Variants in H3C11 observed in about 807,000 individuals in gnomAD.
H3C11 encodes H3 clustered histone 11, also known as histone H3.1.
Under a neutral mutation model 9.1 loss-of-function variants are expected in H3C11, and 10 were observed. The ratio of observed to expected loss-of-function variants is 1.10; its 90% CI spans 0.68 to 1.86. The LOEUF (loss-of-function observed/expected upper bound fraction) is 1.86, where lower values mean the gene tolerates loss of function less well. Ranked by LOEUF, H3C11 falls within the 40% of genes most tolerant of loss-of-function variation. The pLI, the probability that H3C11 is intolerant of heterozygous loss-of-function variation, is 0.00. For missense variants in H3C11, 197 were observed against 192.5 expected (o/e 1.02, Z -0.14); for synonymous variants, 132 against 82.4 (o/e 1.60, Z -3.26).
Position 27,872,094 on chromosome 6 carries a change from C to G in H3C11, c.222G>C (p.Glu74Asp). 2 of 1,614,228 alleles carry G rather than the reference C, an allele frequency of 1.2e-6. No individual in the cohort carries two copies. Among genetic ancestry groups the G allele is most frequent in the Non-Finnish European group, 1.7e-6 (2 of 1,180,036 alleles). Residue 74 changes from glutamate to aspartate, a missense_variant, in exon 1 of 1, where the codon GAG becomes GAC. Coordinates refer to ENST00000616365, the MANE Select transcript of H3C11 (RefSeq NM_003533.3). Reference protein sequence around the residue: ...RKLPFQRLVREIAQDFKTDLR... With the variant: ...RKLPFQRLVRDIAQDFKTDLR... The stretch of plus-strand genomic sequence containing the variant: ...GATCGGTCTTAAAGTCCTGTGCGAT[C>G]TCCCGTACCAAGCGCTGAAAAGGTA...
rs1247048773 is a variant in H3C11 at position 27,872,220 on chromosome 6, G to A, written c.96C>T (p.Ala32=). Reference sequence around the variant, plus strand: ...GGTGGGGCTTCTTGACGCCACCGGTGGCCGGAGCGCTCTTGCGAGCCGCCT... The same window carrying A: ...GGTGGGGCTTCTTGACGCCACCGGTAGCCGGAGCGCTCTTGCGAGCCGCCT... ...ATKAARKSAP[A]TGGVKKPHRY... Residue 32 remains alanine, a synonymous_variant, in exon 1 of 1, where the codon GCC becomes GCT. Coordinates refer to ENST00000616365, the MANE Select transcript of H3C11 (RefSeq NM_003533.3). 5 of 1,612,976 alleles carry A rather than the reference G, an allele frequency of 3.1e-6. No homozygotes were observed. The highest frequency in any genetic ancestry group is 1.6e-4 in the Middle Eastern group (1 of 6,074).
At position 27,871,982 on chromosome 6, in the gene H3C11, C is replaced by A; in HGVS notation, c.334G>T (p.Ala112Ser). Residue 112 changes from alanine to serine, a missense_variant, in exon 1 of 1, where the codon GCC (alanine) becomes TCC (serine). By Grantham distance (99) the Ala-to-Ser change is moderately conservative. Coordinates refer to ENST00000616365, the MANE Select transcript of H3C11 (RefSeq NM_003533.3). ...ATAGTGACGCGTTTGGCGTGAATGG[C>A]GCACAGGTTGGTATCCTCAAATAGC... ...VGLFEDTNLC[A>S]IHAKRVTIMP... The A allele has an allele frequency of 6.2e-7, 1 of 1,614,240 alleles. No individual in the cohort carries two copies. Among genetic ancestry groups the A allele is most frequent in the African/African-American group, 1.3e-5 (1 of 75,066 alleles).
In H3C11 at chr6:27,872,281, G is replaced by C; in HGVS notation, c.35C>G (p.Thr12Ser). Residue 12 changes from threonine (T) to serine (S), a missense_variant, in exon 1 of 1, where the codon ACC (threonine) becomes AGC (serine). Coordinates refer to ENST00000616365, the MANE Select transcript of H3C11 (RefSeq NM_003533.3). ...CTGCTTGCGCGGCGCTTTGCCGCCGGTGGACTTGCGAGCTGTTTGCTTTGT... is the reference window on the plus strand; with the variant it reads ...CTGCTTGCGCGGCGCTTTGCCGCCGCTGGACTTGCGAGCTGTTTGCTTTGT... ...ARTKQTARKSTGGKAPRKQLA... is the reference protein window; with the variant it reads ...ARTKQTARKSSGGKAPRKQLA... The C allele has an allele frequency of 6.2e-7, 1 of 1,611,652 alleles. No individual in the cohort carries two copies.
rs756772071 is a variant in H3C11, at chr6:27,872,295, T to A, written c.21A>T (p.Thr7=). The A allele has an allele frequency of 1.1e-5, 17 of 1,610,212 alleles. No individual in the cohort carries two copies. The highest frequency in any genetic ancestry group is 1.4e-5 in the Non-Finnish European group (17 of 1,178,992). ...CTTTGCCGCCGGTGGACTTGCGAGC[T>A]GTTTGCTTTGTTCGTGCCATGGCTA... MARTKQ[T]ARKSTGGKAP... is the part of the protein sequence containing the mutation. The change falls in exon 1 of 1, where the codon ACA becomes ACT. Residue 7 remains threonine, a synonymous_variant. Coordinates refer to ENST00000616365, the MANE Select transcript of H3C11 (RefSeq NM_003533.3).
chr6:27,872,346 TGA>T, upstream of H3C11: 2 of 1,571,846 alleles, frequency 1.3e-6, no homozygotes, highest in Non-Finnish European at 1.7e-6. Flanking sequence ...TCAACACAAA[TGA>T]GAGAAAAAAA....
rs747510120 is a variant in H3C11, at chr6:27,871,979, T to G, written c.337A>C (p.Ile113Leu). 1 of 1,614,098 alleles carries G rather than the reference T, an allele frequency of 6.2e-7. No homozygotes were observed. ...ATAATAGTGACGCGTTTGGCGTGAA[T>G]GGCGCACAGGTTGGTATCCTCAAAT... ...GLFEDTNLCA[I>L]HAKRVTIMPK... Residue 113 changes from isoleucine (I) to leucine (L), a missense_variant, in exon 1 of 1, where the codon ATT (isoleucine) becomes CTT (leucine). Physicochemically the swap from Ile to Leu is conservative, Grantham distance 5. Coordinates refer to ENST00000616365, the MANE Select transcript of H3C11 (RefSeq NM_003533.3).
At position 27,872,139 on chromosome 6, in the gene H3C11, G is replaced by C. The variant is rs764233454; in HGVS notation, c.177C>G (p.Thr59=). The C allele has an allele frequency of 3.1e-6, 5 of 1,614,064 alleles. No individual in the cohort carries two copies. The highest frequency in any genetic ancestry group is 1.7e-5 in the Admixed American group (1 of 60,010). Residue 59 remains threonine (T), a synonymous_variant, in exon 1 of 1, where the codon ACC becomes ACG. Coordinates refer to ENST00000616365, the MANE Select transcript of H3C11 (RefSeq NM_003533.3). Reference sequence around the variant, plus strand: ...AAGGTAGCTTCCGGATTAGCAGCTCGGTCGACTTCTGGTAGCGGCGGATCT... The same window carrying C: ...AAGGTAGCTTCCGGATTAGCAGCTCCGTCGACTTCTGGTAGCGGCGGATCT... ...LREIRRYQKS[T]ELLIRKLPFQ...
rs1305573763 is a variant in H3C11, at chr6:27,872,304, T to C, written c.12A>G (p.Thr4=). Residue 4 remains threonine (T), a synonymous_variant, in exon 1 of 1, where the codon ACA becomes ACG. Coordinates refer to ENST00000616365, the MANE Select transcript of H3C11 (RefSeq NM_003533.3). ...CGGTGGACTTGCGAGCTGTTTGCTT[T>C]GTTCGTGCCATGGCTAAGTAGACGT... MAR[T]KQTARKSTGG... 3.7e-6 allele frequency: 6 copies of C among 1,608,682 alleles called. No individual in the cohort carries two copies. The highest frequency in any genetic ancestry group is 5.1e-6 in the Non-Finnish European group (6 of 1,178,630).
rs369709227 is a variant in H3C11, at chr6:27,872,127, G to A, written c.189C>T (p.Ile63=). ...CCAAGCGCTGAAAAGGTAGCTTCCG[G>A]ATTAGCAGCTCGGTCGACTTCTGGT... is the stretch of plus-strand genomic sequence containing the variant. The part of the protein sequence containing the change: ...RRYQKSTELL[I]RKLPFQRLVR... Residue 63 remains isoleucine, a synonymous_variant, in exon 1 of 1, where the codon ATC becomes ATT. Transcript: ENST00000616365. 3.8e-5 allele frequency: 62 copies of A among 1,614,202 alleles called. 2 individuals are homozygous for A. Among genetic ancestry groups the A allele is most frequent in the East Asian group, 2.9e-4 (13 of 44,880 alleles).
chr6:27,872,297 T>A lies in H3C11; in HGVS notation c.19A>T (p.Thr7Ser). Reference sequence around the variant, plus strand: ...TTGCCGCCGGTGGACTTGCGAGCTGTTTGCTTTGTTCGTGCCATGGCTAAG... The same window carrying A: ...TTGCCGCCGGTGGACTTGCGAGCTGATTGCTTTGTTCGTGCCATGGCTAAG... MARTKQ[T>S]ARKSTGGKAP... The change falls in exon 1 of 1, where the codon ACA becomes TCA. Residue 7 changes from threonine to serine, a missense_variant. By Grantham distance (58) the Thr-to-Ser change is moderately conservative. Transcript: ENST00000616365. 6.2e-7 allele frequency: 1 copy of A among 1,610,126 alleles called. No individual in the cohort carries two copies. Among genetic ancestry groups the A allele is most frequent in the Non-Finnish European group, 8.5e-7 (1 of 1,178,978 alleles).
Position 27,872,309 on chromosome 6 carries a change from G to A in H3C11, c.7C>T (p.Arg3Ter), listed in dbSNP as rs745307657. ...GACTTGCGAGCTGTTTGCTTTGTTC[G>A]TGCCATGGCTAAGTAGACGTACCTA... MA[R>*]TKQTARKSTG... The change falls in exon 1 of 1, where the codon CGA (arginine) becomes TGA (stop). Residue 3 changes from arginine (R) to a stop codon, truncating the protein, a stop_gained. Coordinates refer to ENST00000616365, the MANE Select transcript of H3C11 (RefSeq NM_003533.3). LOFTEE classifies it high-confidence loss of function. The A allele has an allele frequency of 1.9e-6, 3 of 1,606,300 alleles. No homozygotes were observed. Among genetic ancestry groups the A allele is most frequent in the Non-Finnish European group, 2.5e-6 (3 of 1,177,910 alleles).
Position 27,872,024 on chromosome 6 carries a change from C to G in H3C11, c.292G>C (p.Glu98Gln). The stretch of plus-strand genomic sequence containing the variant: ...TCAAATAGCCCCACCAGGTAGGCCT[C>G]GCAAGCCTCCTGCAGCGCCATCACC... ...SAVMALQEAC[E>Q]AYLVGLFEDT... Residue 98 changes from glutamate (E) to glutamine (Q), a missense_variant, in exon 1 of 1, where the codon GAG (glutamate) becomes CAG (glutamine). Transcript: ENST00000616365. 6.2e-7 allele frequency: 1 copy of G among 1,614,248 alleles called. No homozygotes were observed. The highest frequency in any genetic ancestry group is 8.5e-7 in the Non-Finnish European group (1 of 1,180,046).
chr6:27,871,856 GA>G lies in H3C11; in HGVS notation c.*48del, dbSNP rs1188213841. 6.4e-7 allele frequency: 1 copy of G among 1,558,842 alleles called. No individual in the cohort carries two copies. Among genetic ancestry groups the G allele is most frequent in the East Asian group, 2.2e-5 (1 of 44,482 alleles). ...CTTTTGGTGACAATTGAGGGGCTCT[GA>G]AAAGAGCCTTTTGGGGTTGGACAGA... On this transcript the variant is annotated 3_prime_UTR_variant, in exon 1 of 1. Coordinates refer to ENST00000616365, the MANE Select transcript of H3C11 (RefSeq NM_003533.3).
rs780764864 is a variant in H3C11, at chr6:27,872,301, C to T, written c.15G>A (p.Lys5=). The T allele has an allele frequency of 1.7e-5, 27 of 1,609,588 alleles. No homozygotes were observed. Among genetic ancestry groups the T allele is most frequent in the African/African-American group, 2.7e-5 (2 of 74,468 alleles). Residue 5 remains lysine (K), a synonymous_variant, in exon 1 of 1, where the codon AAG becomes AAA. Coordinates refer to ENST00000616365, the MANE Select transcript of H3C11 (RefSeq NM_003533.3). ...CGCCGGTGGACTTGCGAGCTGTTTG[C>T]TTTGTTCGTGCCATGGCTAAGTAGA... MART[K]QTARKSTGGK...
In H3C11 at chr6:27,872,060, G is replaced by T; in HGVS notation, c.256C>A (p.Gln86Lys). 1 of 1,614,212 alleles carries T rather than the reference G, an allele frequency of 6.2e-7. No individual in the cohort carries two copies. The highest frequency in any genetic ancestry group is 8.5e-7 in the Non-Finnish European group (1 of 1,180,034). The change falls in exon 1 of 1, where the codon CAG (glutamine) becomes AAG (lysine). Residue 86 changes from glutamine to lysine, a missense_variant. By Grantham distance (53) the Gln-to-Lys change is moderately conservative (BLOSUM62 1). Transcript: ENST00000616365. ...TGCAGCGCCATCACCGCCGAGCTCT[G>T]GAAGCGCAGATCGGTCTTAAAGTCC... ...AQDFKTDLRF[Q>K]SSAVMALQEA...
chr6:27,871,943 T>A lies in H3C11; in HGVS notation c.373A>T (p.Ile125Phe), dbSNP rs773766489. Residue 125 changes from isoleucine to phenylalanine, a missense_variant, in exon 1 of 1, where the codon ATC becomes TTC. Coordinates refer to ENST00000616365, the MANE Select transcript of H3C11 (RefSeq NM_003533.3). ...AKRVTIMPKD[I>F]QLARRIRGER... ...CCTCGGATGCGGCGCGCAAGCTGGA[T>A]GTCTTTAGGCATAATAGTGACGCGT... 1 of 1,614,064 alleles carries A rather than the reference T, an allele frequency of 6.2e-7. No individual in the cohort carries two copies. The highest frequency in any genetic ancestry group is 1.1e-5 in the South Asian group (1 of 91,084).
rs747792724 is a variant in H3C11, at chr6:27,872,116, G to A, written c.200C>T (p.Pro67Leu). 6.2e-7 allele frequency: 1 copy of A among 1,614,214 alleles called. No individual in the cohort carries two copies. Among genetic ancestry groups the A allele is most frequent in the South Asian group, 1.1e-5 (1 of 91,086 alleles). The change falls in exon 1 of 1, where the codon CCT (proline) becomes CTT (leucine). Residue 67 changes from proline (P) to leucine (L), a missense_variant. Coordinates refer to ENST00000616365, the MANE Select transcript of H3C11 (RefSeq NM_003533.3). ...KSTELLIRKL[P>L]FQRLVREIAQ... The stretch of plus-strand genomic sequence containing the variant: ...GATCTCCCGTACCAAGCGCTGAAAA[G>A]GTAGCTTCCGGATTAGCAGCTCGGT...
rs781236409 is a variant in H3C11, at chr6:27,871,896, T to C, written c.*9A>G. On this transcript the variant is annotated 3_prime_UTR_variant, in exon 1 of 1. Coordinates refer to ENST00000616365, the MANE Select transcript of H3C11 (RefSeq NM_003533.3). Reference sequence around the variant, plus strand: ...GGGTTGGACAGACTTCTTGGGCTGATAGGAATATTTATGCCCTCTCCCCTC... The same window carrying C: ...GGGTTGGACAGACTTCTTGGGCTGACAGGAATATTTATGCCCTCTCCCCTC... 4 of 1,609,052 alleles carry C rather than the reference T, an allele frequency of 2.5e-6. No homozygotes were observed. The highest frequency in any genetic ancestry group is 1.7e-5 in the Admixed American group (1 of 59,670).
Position 27,871,850 on chromosome 6 carries a change from G to C in H3C11, c.*55C>G. On this transcript the variant is annotated 3_prime_UTR_variant, in exon 1 of 1. Coordinates refer to ENST00000616365, the MANE Select transcript of H3C11 (RefSeq NM_003533.3). ...AGCTTCCTTTTGGTGACAATTGAGGGGCTCTGAAAAGAGCCTTTTGGGGTT... is the reference window on the plus strand; with the variant it reads ...AGCTTCCTTTTGGTGACAATTGAGGCGCTCTGAAAAGAGCCTTTTGGGGTT... 2 of 1,531,658 alleles carry C rather than the reference G, an allele frequency of 1.3e-6. No homozygotes were observed. The highest frequency in any genetic ancestry group is 1.8e-6 in the Non-Finnish European group (2 of 1,132,130). 94.9% of individuals were successfully genotyped at this position (1,531,658 alleles called of 1,614,324 possible). A position where few individuals can be genotyped will look rare whatever the true frequency, so the allele number is the denominator to read the frequency against.
Sources: gnomAD v4.1 joint callset for allele counts on GRCh38, gnomAD v4.1.1 for gene constraint, MANE v1.5 for transcripts, NCBI Gene and HGNC (gene_info 2026-07-23, HGNC 2026-07-21) for gene names.